The following VAV3 variants were observed in gnomAD, a reference collection of about 807,000 sequenced individuals.
VAV3 encodes guanine nucleotide exchange factor VAV3.
VAV3 carries 94 observed loss-of-function variants against 131.2 expected under a neutral mutation model. That is an observed-to-expected ratio of 0.72 (90% CI 0.61 to 0.85). VAV3 has a LOEUF of 0.85. Among genes scored for constraint, VAV3 ranks in the 40% least tolerant of loss-of-function variants. The pLI, the probability that VAV3 is intolerant of heterozygous loss-of-function variation, is 0.00. For missense variants in VAV3, 939 were observed against 1,002.7 expected (o/e 0.94, Z 0.86); for synonymous variants, 349 against 342.0 (o/e 1.02, Z -0.22).
At chr1:107,924,479 T>G (rs1202760055) in intron 1 of VAV3, among the ~76,000 whole-genome samples, 1 of 151,730 alleles carries the variant, frequency 6.6e-6, no homozygotes, top group Non-Finnish European at 1.5e-5. Context: ...GACATAGAAG[T>G]GGCCACATCA....
rs543952833 is a variant in VAV3, at chr1:107,734,664, C to A, written c.1502+14304G>T. Reference sequence around the variant, plus strand: ...CAATTCAACAAGAAGAGCTAACTATCCTAAATATATATGCACCCAATACAG... The same window carrying A: ...CAATTCAACAAGAAGAGCTAACTATACTAAATATATATGCACCCAATACAG... On this transcript the variant is annotated intron_variant, in intron 15 of 26. Transcript: ENST00000370056. 3.3e-5 allele frequency among the ~76,000 whole-genome samples: 5 copies of A among 152,300 alleles called. No individual in the cohort carries two copies. In the East Asian group the frequency reaches 9.7e-4, roughly 29 times the overall value.
chr1:107,779,544 T>C (rs1458623891), intron 2 of VAV3, 52 bp from the exon 3 acceptor site: 3 of 1,446,664 alleles, frequency 2.1e-6, no homozygotes, highest in South Asian at 1.6e-5. Flanking sequence ...AAATATAAGA[T>C]TTCTTTTTCC....
intron 6 of VAV3, among the ~76,000 whole-genome samples, chr1:107,769,310 G>A (rs1664908288): frequency 6.8e-6 from 1 of 146,986 alleles, no homozygotes; most frequent in Admixed American, 6.9e-5. Flanking sequence ...CATATTTTGT[G>A]ACTCTATCTA....
chr1:107,686,484 G>A (rs557733881), intron 18 of VAV3, among the ~76,000 whole-genome samples: 31 of 152,268 alleles, frequency 2.0e-4, no homozygotes, highest in African/African-American at 7.2e-4. Context: ...TTCCTGAGCA[G>A]CATACAATCA....
intron 19 of VAV3, among the ~76,000 whole-genome samples, chr1:107,671,227 G>A (rs182734397): frequency 4.6e-5 from 7 of 152,158 alleles, no homozygotes; most frequent in Non-Finnish European, 7.3e-5. Flanking sequence ...GACATCACAC[G>A]ATTTTGTTGG....
chr1:107,659,168 G>A (rs1391246801), intron 19 of VAV3, among the ~76,000 whole-genome samples: 1 of 151,912 alleles, frequency 6.6e-6, no homozygotes, highest in East Asian at 1.9e-4. Flanking sequence ...TTCTACATAT[G>A]GCTAGCCAGT....
At chr1:107,619,490 C>A (rs1653408906) in intron 20 of VAV3, among the ~76,000 whole-genome samples, 1 of 152,006 alleles carries the variant, frequency 6.6e-6, no homozygotes, top group Non-Finnish European at 1.5e-5. Flanking sequence ...ACTAGCCAGA[C>A]CTTTATATAT....
intron 1 of VAV3, among the ~76,000 whole-genome samples, chr1:107,930,784 C>T (rs762152127): frequency 3.3e-5 from 5 of 152,126 alleles, no homozygotes; most frequent in Admixed American, 6.5e-5. Flanking sequence ...AGCAAATCTA[C>T]GTGTGGGGCA....
chr1:107,713,471 G>GA (rs1184523318), intron 15 of VAV3, among the ~76,000 whole-genome samples: 12 of 151,622 alleles, frequency 7.9e-5, no homozygotes, highest in Non-Finnish European at 1.8e-4. Flanking sequence ...AAGTCCATAA[G>GA]AAAAAAATGA....
At chr1:107,594,431 T>C (rs1214392933) in intron 25 of VAV3, among the ~76,000 whole-genome samples, 1 of 152,114 alleles carries the variant, frequency 6.6e-6, no homozygotes, top group Non-Finnish European at 1.5e-5. Flanking sequence ...TTGTTTGCTT[T>C]CCCTTCACAA....
chr1:107,613,068 A>T (rs1652876405), intron 21 of VAV3, among the ~76,000 whole-genome samples: 1 of 152,156 alleles, frequency 6.6e-6, no homozygotes, highest in Non-Finnish European at 1.5e-5. Context: ...AATAGGAGCT[A>T]TTCAACAGTT....
intron 1 of VAV3, among the ~76,000 whole-genome samples, chr1:107,908,301 G>A (rs1362177331): frequency 6.6e-6 from 1 of 152,168 alleles, no homozygotes; most frequent in Non-Finnish European, 1.5e-5. Flanking sequence ...TAAAGCTCCT[G>A]ATAATCACCC....
chr1:107,775,177 C>T (rs1416714456), intron 4 of VAV3, among the ~76,000 whole-genome samples: 1 of 151,752 alleles, frequency 6.6e-6, no homozygotes, highest in Non-Finnish European at 1.5e-5. Context: ...GCTAGGAATG[C>T]ATCCTCACTG....
intron 20 of VAV3, among the ~76,000 whole-genome samples, chr1:107,622,750 G>A (rs1005657112): frequency 2.0e-5 from 3 of 152,208 alleles, no homozygotes; most frequent in African/African-American, 7.2e-5. Flanking sequence ...TGGTCAGAGC[G>A]ACTGTCACCC....
intron 20 of VAV3, among the ~76,000 whole-genome samples, chr1:107,638,907 CAT>C (rs1655129189): frequency 1.3e-5 from 2 of 151,886 alleles, no homozygotes. Context: ...TATACACACA[CAT>C]ATAGATACAC....
intron 8 of VAV3, among the ~76,000 whole-genome samples, 170 bp from the exon 9 acceptor site, chr1:107,765,345 T>C (rs2102154412): frequency 6.6e-6 from 1 of 152,352 alleles, no homozygotes; most frequent in South Asian, 2.1e-4. Context: ...TAAGGGTCAC[T>C]CATTTTTATA....
intron 20 of VAV3, among the ~76,000 whole-genome samples, chr1:107,640,661 A>G (rs1420094808): frequency 6.6e-6 from 1 of 152,162 alleles, no homozygotes; most frequent in African/African-American, 2.4e-5. Context: ...TCCATCTCAA[A>G]GCTGTTTTTA....
chr1:107,890,840 T>C (rs1200279643), intron 1 of VAV3, among the ~76,000 whole-genome samples: 4 of 152,364 alleles, frequency 2.6e-5, no homozygotes, highest in Non-Finnish European at 4.4e-5. Context: ...TACAACTTCC[T>C]GAATAGACTG....
At chr1:107,748,866 T>C in intron 15 of VAV3, 102 bp downstream of exon 15, 2 of 898,394 alleles carry the variant, frequency 2.2e-6, no homozygotes, top group Non-Finnish European at 3.3e-6. Flanking sequence ...CTGTACACAT[T>C]ATACATGCTA....
Sources: gnomAD v4.1 joint callset for allele counts (sites outside exome capture counted in the v4.1 genomes callset) on GRCh38, gnomAD v4.1.1 for gene constraint, MANE v1.5 for transcripts, NCBI Gene and HGNC (gene_info 2026-07-23, HGNC 2026-07-21) for gene names.